The following SLC5A8 variants were observed in gnomAD, a reference collection of about 807,000 sequenced individuals.
SLC5A8 encodes the protein solute carrier family 5 member 8, also known as sodium-coupled monocarboxylate transporter 1.
In SLC5A8, 55 loss-of-function variants were observed where a neutral mutation model predicts 71.9. That is an observed-to-expected ratio of 0.77 (90% CI 0.62 to 0.96). The LOEUF (loss-of-function observed/expected upper bound fraction) is 0.96. Ranked by LOEUF, SLC5A8 falls within the 40% of genes least tolerant of loss-of-function variation. The pLI is 0.00. For synonymous variants in SLC5A8, 307 were observed against 276.1 expected (o/e 1.11, Z -1.11); for missense variants, 701 against 745.3 (o/e 0.94, Z 0.69).
chr12:101,179,540 A>G (rs915604393), intron 10 of SLC5A8, among the ~76,000 whole-genome samples: 9 of 152,248 alleles, frequency 5.9e-5, no homozygotes, highest in African/African-American at 2.2e-4. Flanking sequence ...GAAAAAGGTT[A>G]CATTCTATGT....
chr12:101,183,621 T>C (rs1490154618), intron 8 of SLC5A8, among the ~76,000 whole-genome samples: 1 of 152,140 alleles, frequency 6.6e-6, no homozygotes, highest in African/African-American at 2.4e-5. Flanking sequence ...CAATATTAAT[T>C]TCCTGAATCC....
chr12:101,168,158 C>G lies in SLC5A8; in HGVS notation c.1258G>C (p.Val420Leu), dbSNP rs756897127. The G allele has an allele frequency of 2.5e-6, 4 of 1,609,486 alleles. No homozygotes were observed. In the South Asian group the frequency reaches 4.5e-5, roughly 18 times the overall value. Residue 420 changes from valine to leucine, a missense_variant, in exon 11 of 15, where the codon GTT (valine) becomes CTT (leucine). Val to Leu is a conservative substitution (Grantham distance 32). Coordinates refer to ENST00000536262, the MANE Select transcript of SLC5A8 (RefSeq NM_145913.5). Reference sequence around the variant, plus strand: ...AACAGGCCCATAAGTGGTCCACCAACCATACCAAATACGCTGAGTGCTGCC... The same window carrying G: ...AACAGGCCCATAAGTGGTCCACCAAGCATACCAAATACGCTGAGTGCTGCC... ...LQAALSVFGM[V>L]GGPLMGLFAL...
intron 9 of SLC5A8, 48 bp downstream of exon 9, chr12:101,182,755 A>C (rs368668359): frequency 1.3e-4 from 179 of 1,394,328 alleles, no homozygotes; most frequent in Middle Eastern, 1.8e-4. Flanking sequence ...TGTGTCTCAA[A>C]AAATCATCTC....
At chr12:101,165,099 A>T (rs1056188002) in intron 12 of SLC5A8, among the ~76,000 whole-genome samples, 3 of 152,232 alleles carry the variant, frequency 2.0e-5, no homozygotes, top group African/African-American at 7.2e-5. Flanking sequence ...GGCAGGAAAC[A>T]GTGGCTGGGA....
At chr12:101,168,250 T>TC (rs2051792860) in intron 10 of SLC5A8, 68 bp from the exon 11 acceptor site, 2 of 1,419,066 alleles carry the variant, frequency 1.4e-6, no homozygotes. Flanking sequence ...CAAAGTCATT[T>TC]CATCAGGATA....
At chr12:101,186,681 A>G (rs958691039) in intron 7 of SLC5A8, among the ~76,000 whole-genome samples, 4 of 152,208 alleles carry the variant, frequency 2.6e-5, no homozygotes, top group Admixed American at 2.0e-4. Flanking sequence ...TTTGAAAGGC[A>G]GATAATCATA....
In SLC5A8 at chr12:101,210,218, C is replaced by A. The variant is rs1326669853; in HGVS notation, c.-370G>T. 3.7e-5 allele frequency: 9 copies of A among 243,994 alleles called. No homozygotes were observed. Among genetic ancestry groups the A allele is most frequent in the East Asian group, 3.2e-4 (4 of 12,682 alleles). 15.1% of individuals were successfully genotyped at this position (243,994 alleles called of 1,614,324 possible). ...GCTTCCAGCGAATCTACACAGGGAG[C>A]GCTCTGGGCAGGTTTTGTTCAAGTG... On this transcript the variant is annotated 5_prime_UTR_variant, in exon 1 of 15. Coordinates refer to ENST00000536262, the MANE Select transcript of SLC5A8 (RefSeq NM_145913.5).
Position 101,168,142 on chromosome 12 carries a change from A to G in SLC5A8, c.1274T>C (p.Met425Thr), listed in dbSNP as rs183627653. The G allele has an allele frequency of 5.8e-5, 93 of 1,610,324 alleles. No individual in the cohort carries two copies. The East Asian group carries it at 2.0e-3, about 35-fold the overall frequency. The change falls in exon 11 of 15, where the codon ATG becomes ACG. Residue 425 changes from methionine (M) to threonine (T), a missense_variant. By Grantham distance (81) the Met-to-Thr change is moderately conservative. Transcript: ENST00000536262. ...SVFGMVGGPL[M>T]GLFALGILVP... ...CAAAATGCCCAAAGCGAACAGGCCC[A>G]TAAGTGGTCCACCAACCATACCAAA...
intron 13 of SLC5A8, among the ~76,000 whole-genome samples, chr12:101,160,553 G>A (rs529247643): frequency 1.4e-3 from 210 of 152,204 alleles, no homozygotes; most frequent in African/African-American, 4.6e-3. Context: ...TTCCCCTGGC[G>A]TGGCTGCTAT....
chr12:101,178,401 T>A (rs2051900858), intron 10 of SLC5A8, among the ~76,000 whole-genome samples: 1 of 152,194 alleles, frequency 6.6e-6, no homozygotes, highest in African/African-American at 2.4e-5. Context: ...ATCTTGAAAC[T>A]TATTTTAAAG....
intron 10 of SLC5A8, among the ~76,000 whole-genome samples, chr12:101,173,319 T>C (rs1392028827): frequency 6.6e-6 from 1 of 152,192 alleles, no homozygotes; most frequent in Non-Finnish European, 1.5e-5. Context: ...TGAATTTCTG[T>C]CCACATTAGG....
intron 9 of SLC5A8, among the ~76,000 whole-genome samples, chr12:101,182,111 T>C (rs1868393040): frequency 6.6e-6 from 1 of 152,170 alleles, no homozygotes; most frequent in African/African-American, 2.4e-5. Flanking sequence ...CTTAAACCAC[T>C]CTATTCAAGC....
rs112777254 is a variant in SLC5A8, at chr12:101,209,931, G to A, written c.-83C>T. The A allele has an allele frequency of 6.2e-6, 8 of 1,289,054 alleles. No homozygotes were observed. Among genetic ancestry groups the A allele is most frequent in the South Asian group, 4.8e-5 (3 of 62,864 alleles). 79.9% of individuals were successfully genotyped at this position (1,289,054 alleles called of 1,614,324 possible). On this transcript the variant is annotated 5_prime_UTR_variant, in exon 1 of 15. Coordinates refer to ENST00000536262, the MANE Select transcript of SLC5A8 (RefSeq NM_145913.5). ...GAGCCCGGCGCGCACTTCTTATCCC[G>A]GATCCCTGGCGCGCAGGCGTGGCGT... is the stretch of plus-strand genomic sequence containing the variant.
At position 101,158,312 on chromosome 12, in the gene SLC5A8, G is replaced by A. The variant is rs1035106536; in HGVS notation, c.1647C>T (p.Asn549=). Residue 549 remains asparagine (N), a synonymous_variant, in exon 14 of 15, where the codon AAC becomes AAT. Coordinates refer to ENST00000536262, the MANE Select transcript of SLC5A8 (RefSeq NM_145913.5). ...VSLSTGGRKQ[N]LDPRYILTKE... ...TGGTTAGTATGTATCTGGGGTCTAA[G>A]TTCTGTTTTCTTCCTCCTGGAAAAA... 1.3e-6 allele frequency: 2 copies of A among 1,583,820 alleles called. No homozygotes were observed. Among genetic ancestry groups the A allele is most frequent in the Non-Finnish European group, 8.6e-7 (1 of 1,162,222 alleles).
intron 10 of SLC5A8, among the ~76,000 whole-genome samples, chr12:101,175,510 AAAAG>A (rs2051871381): frequency 6.6e-6 from 1 of 152,054 alleles, no homozygotes; most frequent in Non-Finnish European, 1.5e-5. Context: ...AAAACATAGG[AAAAG>A]AAAGAAACAC....
chr12:101,190,678 A>C (rs1373039911), intron 5 of SLC5A8, 70 bp from the exon 6 acceptor site: 1 of 1,437,182 alleles, frequency 7.0e-7, no homozygotes, highest in African/African-American at 1.5e-5. Context: ...CTTAGACTAT[A>C]TTTGGAAGCA....
chr12:101,198,429 A>G (rs1869290481), intron 3 of SLC5A8, among the ~76,000 whole-genome samples: 1 of 151,968 alleles, frequency 6.6e-6, no homozygotes, highest in African/African-American at 2.4e-5. Context: ...AAACTTATCG[A>G]TATTAGGAAT....
intron 9 of SLC5A8, among the ~76,000 whole-genome samples, chr12:101,181,567 T>A (rs1040981209): frequency 1.3e-5 from 2 of 152,196 alleles, no homozygotes; most frequent in African/African-American, 4.8e-5. Context: ...TGCAAAGTAT[T>A]TGTGTGCCCA....
At chr12:101,158,855 T>A (rs979972467) in intron 13 of SLC5A8, among the ~76,000 whole-genome samples, 1 of 149,810 alleles carries the variant, frequency 6.7e-6, no homozygotes, top group Non-Finnish European at 1.5e-5. Flanking sequence ...TATGAAGAAA[T>A]GCAGGCAATT....
Sources: allele counts gnomAD v4.1 joint callset (sites outside exome capture counted in the v4.1 genomes callset), GRCh38; gene constraint gnomAD v4.1.1; transcripts MANE v1.5; gene names NCBI Gene and HGNC (gene_info 2026-07-23, HGNC 2026-07-21).